HAPLN1: variants seen among roughly 807,000 people sequenced by gnomAD.
HAPLN1 encodes Cartilage link protein.
Under a neutral mutation model 36.5 loss-of-function variants are expected in HAPLN1, and 13 were observed. The observed-to-expected ratio is 0.36, with a 90% CI of 0.23 to 0.57. HAPLN1 has a LOEUF of 0.57. Among genes scored for constraint, HAPLN1 ranks in the 20% least tolerant of loss-of-function variants. HAPLN1 has a pLI of 0.83. For missense variants in HAPLN1, 407 were observed against 439.7 expected (o/e 0.93, Z 0.66); for synonymous variants, 202 against 169.8 (o/e 1.19, Z -1.48).
intron 2 of HAPLN1, among the ~76,000 whole-genome samples, chr5:83,670,607 A>G (rs1177395955): frequency 6.6e-6 from 1 of 152,076 alleles, no homozygotes; most frequent in African/African-American, 2.4e-5. Flanking sequence ...TTACCAGAGA[A>G]ATGTTTTTCA....
intron 4 of HAPLN1, 104 bp from the exon 5 acceptor site, chr5:83,641,889 G>C (rs1749715410): frequency 8.4e-7 from 1 of 1,190,352 alleles, no homozygotes; most frequent in Non-Finnish European, 1.2e-6. Context: ...GGGGGATATA[G>C]AGCAATGTTT....
chr5:83,685,610 G>A (rs1751101814), intron 1 of HAPLN1, among the ~76,000 whole-genome samples: 1 of 152,136 alleles, frequency 6.6e-6, no homozygotes, highest in Non-Finnish European at 1.5e-5. Flanking sequence ...TGAGGACAAG[G>A]ACCATATTTT....
intron 1 of HAPLN1, among the ~76,000 whole-genome samples, chr5:83,713,384 G>A (rs902982350): frequency 6.6e-6 from 1 of 152,110 alleles, no homozygotes; most frequent in Non-Finnish European, 1.5e-5. Context: ...CCAACTGAGT[G>A]GATATTTATA....
chr5:83,658,203 C>T (rs1750276731), intron 2 of HAPLN1, among the ~76,000 whole-genome samples: 1 of 152,110 alleles, frequency 6.6e-6, no homozygotes, highest in South Asian at 2.1e-4. Context: ...TTAATACTAA[C>T]ACTTTGGAAG....
At chr5:83,680,987 T>G (rs1364059879) in intron 1 of HAPLN1, among the ~76,000 whole-genome samples, 1 of 152,200 alleles carries the variant, frequency 6.6e-6, no homozygotes, top group Non-Finnish European at 1.5e-5. Context: ...ATTGGCTTTA[T>G]AAGAAATACT....
chr5:83,717,016 A>G (rs899537078), intron 1 of HAPLN1, among the ~76,000 whole-genome samples: 1 of 152,120 alleles, frequency 6.6e-6, no homozygotes, highest in Non-Finnish European at 1.5e-5. Flanking sequence ...TGGGTGACAG[A>G]GCAAGACTCC....
At chr5:83,655,554 T>C (rs1231059420) in intron 2 of HAPLN1, among the ~76,000 whole-genome samples, 1 of 151,576 alleles carries the variant, frequency 6.6e-6, no homozygotes, top group Non-Finnish European at 1.5e-5. Flanking sequence ...GTTGAAGTAA[T>C]AGATGCCAGA....
At chr5:83,675,997 A>C (rs2112602900) in intron 1 of HAPLN1, among the ~76,000 whole-genome samples, 1 of 152,300 alleles carries the variant, frequency 6.6e-6, no homozygotes, top group South Asian at 2.1e-4. Context: ...TAAGACTTTG[A>C]CTTGTGTTAT....
At chr5:83,702,124 G>T (rs977821972) in intron 1 of HAPLN1, among the ~76,000 whole-genome samples, 1 of 152,116 alleles carries the variant, frequency 6.6e-6, no homozygotes, top group Non-Finnish European at 1.5e-5. Flanking sequence ...AATGATAAGG[G>T]ATTCCTGCTT....
At chr5:83,710,425 A>G (rs1751753805) in intron 1 of HAPLN1, among the ~76,000 whole-genome samples, 1 of 152,166 alleles carries the variant, frequency 6.6e-6, no homozygotes, top group African/African-American at 2.4e-5. Context: ...GCACTGAAAA[A>G]AAGTAATTGT....
In HAPLN1 at chr5:83,644,655, G is replaced by A. The variant is rs767698746; in HGVS notation, c.483C>T (p.Phe161=). ...VVALDLQGVV[F]PYFPRLGRYN... ...AGCGCCCCAGTCGTGGAAAGTAAGG[G>A]AATACCACACCTGTCCAAAGGAGAA... The change falls in exon 4 of 5, where the codon TTC becomes TTT. Residue 161 remains phenylalanine, a synonymous_variant. Coordinates refer to ENST00000274341, the MANE Select transcript of HAPLN1 (RefSeq NM_001884.4). 2 of 1,467,412 alleles carry A rather than the reference G, an allele frequency of 1.4e-6. No homozygotes were observed. The highest frequency in any genetic ancestry group is 1.8e-6 in the Non-Finnish European group (2 of 1,105,368). The allele number at this position is 1,467,412 out of a possible 1,614,324, so 90.9% of individuals were successfully genotyped here. A position where few individuals can be genotyped will look rare whatever the true frequency, so the allele number is the denominator to read the frequency against.
chr5:83,650,203 C>A (rs1207720994), intron 3 of HAPLN1, among the ~76,000 whole-genome samples: 1 of 152,176 alleles, frequency 6.6e-6, no homozygotes, highest in African/African-American at 2.4e-5. Flanking sequence ...AGGCTTCATG[C>A]AATACCTTTG....
At chr5:83,713,754 C>A (rs1339622816) in intron 1 of HAPLN1, among the ~76,000 whole-genome samples, 2 of 152,158 alleles carry the variant, frequency 1.3e-5, no homozygotes, top group African/African-American at 4.8e-5. Context: ...AGGTAATCAT[C>A]CATCCTTAAA....
chr5:83,643,126 C>A (rs1285701001), intron 4 of HAPLN1, among the ~76,000 whole-genome samples: 1 of 151,944 alleles, frequency 6.6e-6, no homozygotes, highest in Non-Finnish European at 1.5e-5. Context: ...GAGTTGGAGA[C>A]CAGCCTGGCC....
At chr5:83,656,211 C>T (rs1436433628) in intron 2 of HAPLN1, among the ~76,000 whole-genome samples, 1 of 151,038 alleles carries the variant, frequency 6.6e-6, no homozygotes, top group Non-Finnish European at 1.5e-5. Flanking sequence ...GCCTATAGTC[C>T]CAGCTACTCG....
rs557563805 is a variant in HAPLN1 at position 83,679,252 on chromosome 5, T to C, written c.-26-5703A>G. 1.1e-4 allele frequency among the ~76,000 whole-genome samples: 16 copies of C among 152,324 alleles called. No individual in the cohort carries two copies. The South Asian group carries it at 3.3e-3, about 32-fold the overall frequency. Reference sequence around the variant, plus strand: ...CTTAGCTGTAGATGTTTCTACAATTTACTTGTGGCTTCTTTTCTAATTAAA... The same window carrying C: ...CTTAGCTGTAGATGTTTCTACAATTCACTTGTGGCTTCTTTTCTAATTAAA... On this transcript the variant is annotated intron_variant, in intron 1 of 4. Coordinates refer to ENST00000274341, the MANE Select transcript of HAPLN1 (RefSeq NM_001884.4).
In HAPLN1 at chr5:83,673,539, A is replaced by C. The variant is rs761173044; in HGVS notation, c.-16T>G. 1 of 1,578,478 alleles carries C rather than the reference A, an allele frequency of 6.3e-7. No individual in the cohort carries two copies. The highest frequency in any genetic ancestry group is 8.7e-7 in the Non-Finnish European group (1 of 1,147,874). On this transcript the variant is annotated 5_prime_UTR_variant, in exon 2 of 5. In the 5' UTR this introduces an upstream ATG that the reference lacks. Transcript: ENST00000274341. The stretch of plus-strand genomic sequence containing the variant: ...GACTCTTCATCTTTATAGCCCAAAG[A>C]ATCTTCTTCACTGCGAGAGCATCAC...
At chr5:83,650,578 T>C (rs1206918357) in intron 3 of HAPLN1, among the ~76,000 whole-genome samples, 1 of 151,704 alleles carries the variant, frequency 6.6e-6, no homozygotes, top group Non-Finnish European at 1.5e-5. Flanking sequence ...TCCCTAAGCA[T>C]GGAGAGTCTG....
At chr5:83,670,120 G>A (rs173054) in intron 2 of HAPLN1, among the ~76,000 whole-genome samples, 71,112 of 152,006 alleles carry the variant, frequency 0.47, 17,662 homozygotes, top group East Asian at 0.72. Context: ...GTTGTATTTT[G>A]AAGAGTGTAT....
Sources: allele counts gnomAD v4.1 joint callset (sites outside exome capture counted in the v4.1 genomes callset), GRCh38; gene constraint gnomAD v4.1.1; transcripts MANE v1.5; gene names NCBI Gene and HGNC (gene_info 2026-07-23, HGNC 2026-07-21).